Variants in LRP2 observed in about 807,000 individuals in gnomAD.
LRP2 encodes the protein low-density lipoprotein receptor-related protein 2.
A neutral mutation model predicts 531.0 loss-of-function variants in LRP2; 172 were observed. That is an observed-to-expected ratio of 0.32 (90% CI 0.29 to 0.37). LRP2 has a LOEUF of 0.37. Ranked by LOEUF, LRP2 falls within the 10% of genes least tolerant of loss-of-function variation. The probability of loss-of-function intolerance (pLI) is 1.00; values close to 1 mark genes in which losing one functional copy is unlikely to be tolerated. For synonymous variants in LRP2, 1,992 were observed against 2,027.6 expected, an observed-to-expected ratio of 0.98 and a Z score of 0.47; for missense variants, 5,167 against 5,868.3, an observed-to-expected ratio of 0.88 and a Z score of 3.90.
rs578036918 is a variant in LRP2, at chr2:169,259,367, C to T, written c.2321-150G>A. ...CTTTAAAAAAAAAAAAAAAAAAAAA[C>T]TCTGTAAGCTGCTGAGCAATAACAT... On this transcript the variant is annotated intron_variant, in intron 16 of 78. Coordinates refer to ENST00000649046, the MANE Select transcript of LRP2 (RefSeq NM_004525.3). 9.8e-3 allele frequency: 5,731 copies of T among 582,268 alleles called. 72 individuals carry two copies. Among genetic ancestry groups the T allele is most frequent in the Non-Finnish European group, 0.014 (4,772 of 335,308 alleles). The allele number at this position is 582,268 out of a possible 1,614,324, so 36.1% of individuals were successfully genotyped here.
chr2:169,209,733 C>T, intron 37 of LRP2, 92 bp from the exon 38 acceptor site: 4 of 1,217,890 alleles, frequency 3.3e-6, no homozygotes, highest in South Asian at 1.3e-5. Context: ...CATTCCCAAC[C>T]CCCTGCTCTG....
In LRP2 at chr2:169,185,827, T is replaced by C; in HGVS notation, c.9521A>G (p.Tyr3174Cys). 6.2e-7 allele frequency: 1 copy of C among 1,614,076 alleles called. No homozygotes were observed. The highest frequency in any genetic ancestry group is 8.5e-7 in the Non-Finnish European group (1 of 1,180,010). Residue 3174 changes from tyrosine (Y) to cysteine (C), a missense_variant, in exon 50 of 79, where the codon TAC (tyrosine) becomes TGC (cysteine). By Grantham distance (194) the Tyr-to-Cys change is radical. This residue lies in a region of LRP2 where 1,129 missense variants were observed against 1,362.7 expected (regional missense o/e 0.83). Transcript: ENST00000649046. ...GTAGCCTGGGGCACACTTACAGATG[T>C]AGGAGCCTATTACATTCTCACACTT... is the stretch of plus-strand genomic sequence containing the variant. ...SQKCENVIGSYICKCAPGYLR... is the reference protein window; with the variant it reads ...SQKCENVIGSCICKCAPGYLR...
Position 169,189,457 on chromosome 2 carries a change from A to G in LRP2, c.9033-1192T>C, listed in dbSNP as rs372209428. Among the ~76,000 whole-genome samples, 20 of 152,318 alleles carry G rather than the reference A, an allele frequency of 1.3e-4. No homozygotes were observed. The East Asian group carries it at 1.3e-3, about 10-fold the overall frequency. The stretch of plus-strand genomic sequence containing the variant: ...ATTTCCAAATGGTTTGAAAACACCA[A>G]TGTTTTCCTTTGTCTAATTTAGATC... On this transcript the variant is annotated intron_variant, in intron 48 of 78. Coordinates refer to ENST00000649046, the MANE Select transcript of LRP2 (RefSeq NM_004525.3).
At chr2:169,137,960 T>A (rs1685579574) in intron 75 of LRP2, among the ~76,000 whole-genome samples, 1 of 152,192 alleles carries the variant, frequency 6.6e-6, no homozygotes, top group African/African-American at 2.4e-5. Context: ...TTCCCAATAC[T>A]GATTACAGAA....
At chr2:169,361,521 C>A (rs1447851490) in intron 1 of LRP2, among the ~76,000 whole-genome samples, 3 of 151,588 alleles carry the variant, frequency 2.0e-5, no homozygotes, top group Non-Finnish European at 2.9e-5. Context: ...TAGTTTTATT[C>A]TCTCCGCTTC....
Position 169,243,017 on chromosome 2 carries a change from G to A in LRP2, c.3606C>T (p.Gly1202=), listed in dbSNP as rs759833611. ...FKCASGDKCI[G]VTNRCDGVFD... ...AAACACCATCACAACGATTTGTGAC[G>A]CCAATACATTTATCCCCACTGGCAC... Residue 1202 remains glycine (G), a synonymous_variant, in exon 24 of 79, where the codon GGC becomes GGT. Coordinates refer to ENST00000649046, the MANE Select transcript of LRP2 (RefSeq NM_004525.3). 5.9e-5 allele frequency: 96 copies of A among 1,613,960 alleles called. No individual in the cohort carries two copies. In the South Asian group the frequency reaches 9.1e-4, roughly 15 times the overall value.
At chr2:169,353,271 TC>T (rs1405890608) in intron 1 of LRP2, among the ~76,000 whole-genome samples, 2 of 152,082 alleles carry the variant, frequency 1.3e-5, no homozygotes, top group Non-Finnish European at 2.9e-5. Context: ...AAAGTTGGAT[TC>T]CCCCTGGATA....
Position 169,246,737 on chromosome 2 carries a change from T to C in LRP2, c.3158A>G (p.Asp1053Gly). The C allele has an allele frequency of 1.9e-6, 3 of 1,614,214 alleles. No individual in the cohort carries two copies. The highest frequency in any genetic ancestry group is 2.5e-6 in the Non-Finnish European group (3 of 1,180,044). ...YLCDGVDDCH[D>G]NSDEQLCGTL... Reference sequence around the variant, plus strand: ...GCCACATAGTTGCTCATCACTGTTATCATGACAATCATCGACTCCATCACA... The same window carrying C: ...GCCACATAGTTGCTCATCACTGTTACCATGACAATCATCGACTCCATCACA... The change falls in exon 21 of 79, where the codon GAT (aspartate) becomes GGT (glycine). Residue 1053 changes from aspartate (D) to glycine (G), a missense_variant. Asp to Gly is a moderately conservative substitution (Grantham distance 94). Around this residue, in one of 6 missense-constraint regions of LRP2, gnomAD observed 2,811 missense variants for 3,058.0 expected, o/e 0.92. Transcript: ENST00000649046.
chr2:169,325,642 C>T (rs754461591), intron 1 of LRP2, among the ~76,000 whole-genome samples: 2 of 152,130 alleles, frequency 1.3e-5, no homozygotes, highest in Non-Finnish European at 2.9e-5. Context: ...AGCACTCTAC[C>T]CTGTCTAGTG....
rs747786311 is a variant in LRP2, at chr2:169,181,539, T to G, written c.10078A>C (p.Ile3360Leu). The G allele has an allele frequency of 4.3e-6, 7 of 1,614,082 alleles. No individual in the cohort carries two copies. The highest frequency in any genetic ancestry group is 5.1e-6 in the Non-Finnish European group (6 of 1,180,040). ...GMDGTNKSVI[I>L]STKLEWPNGI... is the part of the protein sequence containing the mutation. ...TTAGGCCACTCTAACTTGGTGGAGA[T>G]TATCACAGACTTGTTGGTTCCATCC... is the stretch of plus-strand genomic sequence containing the variant. Residue 3360 changes from isoleucine to leucine, a missense_variant, in exon 52 of 79, where the codon ATC becomes CTC. Physicochemically the swap from Ile to Leu is conservative, Grantham distance 5. Coordinates refer to ENST00000649046, the MANE Select transcript of LRP2 (RefSeq NM_004525.3).
At chr2:169,220,112 A>G (rs74868325) in intron 34 of LRP2, among the ~76,000 whole-genome samples, 2,810 of 152,254 alleles carry the variant, frequency 0.018, 71 homozygotes, top group Middle Eastern at 0.071. Context: ...TCTATTGCAA[A>G]TGTTACATAA....
At chr2:169,212,757 T>C (rs1024409507) in intron 36 of LRP2, among the ~76,000 whole-genome samples, 1 of 127,770 alleles carries the variant, frequency 7.8e-6, no homozygotes, top group African/African-American at 2.9e-5. Context: ...CAATGGACTT[T>C]GGGGACTTGG....
At chr2:169,159,126 G>A (rs577201815) in intron 63 of LRP2, among the ~76,000 whole-genome samples, 8 of 152,124 alleles carry the variant, frequency 5.3e-5, no homozygotes, top group Non-Finnish European at 8.8e-5. Flanking sequence ...TAGATAGTGA[G>A]TGATAATGGG....
chr2:169,196,312 A>C (rs530524290), intron 46 of LRP2, among the ~76,000 whole-genome samples: 27 of 152,370 alleles, frequency 1.8e-4, no homozygotes, highest in Non-Finnish European at 3.2e-4. Context: ...AGCAATGTAG[A>C]AGATTGTATT....
chr2:169,339,435 C>T (rs933786074), intron 1 of LRP2, among the ~76,000 whole-genome samples: 4 of 152,128 alleles, frequency 2.6e-5, no homozygotes, highest in African/African-American at 7.2e-5. Flanking sequence ...ATTCCACATG[C>T]GTTCAAAAAT....
At position 169,304,250 on chromosome 2, in the gene LRP2, T is replaced by C. The variant is rs149541411; in HGVS notation, c.427+3031A>G. On this transcript the variant is annotated intron_variant, in intron 4 of 78. Transcript: ENST00000649046. The stretch of plus-strand genomic sequence containing the variant: ...GTGGTACAGGCCTCTGGTGGTCTCT[T>C]AACTTGTACAAGATAGGACTTTCTC... Among the ~76,000 whole-genome samples, 17 of 152,308 alleles carry C rather than the reference T, an allele frequency of 1.1e-4. No homozygotes were observed. In the South Asian group the frequency reaches 2.1e-3, roughly 19 times the overall value.
At chr2:169,154,210 C>A (rs536348095) in intron 66 of LRP2, among the ~76,000 whole-genome samples, 34 of 152,090 alleles carry the variant, frequency 2.2e-4, no homozygotes, top group Non-Finnish European at 4.3e-4. Context: ...TTTCAAAATA[C>A]AAGAAGATGT....
intron 9 of LRP2, 51 bp from the exon 10 acceptor site, chr2:169,283,052 A>C (rs1228489027): frequency 6.2e-7 from 1 of 1,602,098 alleles, no homozygotes; most frequent in African/African-American, 1.3e-5. Context: ...GCATTTATTA[A>C]GCACTCTCTG....
At chr2:169,356,076 G>C (rs1020374611) in intron 1 of LRP2, among the ~76,000 whole-genome samples, 1 of 152,070 alleles carries the variant, frequency 6.6e-6, no homozygotes, top group Non-Finnish European at 1.5e-5. Flanking sequence ...ATTTTTTGTA[G>C]AGATGGAGTC....
Sources: allele counts gnomAD v4.1 joint callset (sites outside exome capture counted in the v4.1 genomes callset), GRCh38; gene constraint gnomAD v4.1.1; regional missense constraint gnomAD v4.1.1; transcripts MANE v1.5; gene names NCBI Gene and HGNC (gene_info 2026-07-23, HGNC 2026-07-21).